APOO: variants seen among roughly 807,000 people sequenced by gnomAD.
APOO encodes the protein apolipoprotein O, also known as MICOS complex subunit MIC26.
In APOO, 11 loss-of-function variants were observed where a neutral mutation model predicts 23.1. The ratio of observed to expected loss-of-function variants is 0.48; its 90% CI spans 0.30 to 0.79. The LOEUF is 0.79. APOO is among the 30% of genes least tolerant of loss of function. APOO has a pLI of 0.07. For synonymous variants in APOO, 59 were observed against 54.8 expected, an observed-to-expected ratio of 1.08 and a Z score of -0.34; for missense variants, 160 against 142.7, an observed-to-expected ratio of 1.12 and a Z score of -0.62.
intron 1 of APOO, among the ~76,000 whole-genome samples, chrX:23,902,706 A>G (rs1020978829): frequency 6.3e-5 from 7 of 111,883 alleles, no homozygotes; most frequent in African/African-American, 2.0e-4. Flanking sequence ...TTTAAGTACA[A>G]TGTGTACTTA....
At chrX:23,884,124 A>T (rs1926265241) in intron 1 of APOO, 1 of 111,164 alleles carries the variant, frequency 9.0e-6, no homozygotes, top group Admixed American at 9.6e-5. Flanking sequence ...TCATAATGGG[A>T]CTCGTGTGGC....
chrX:23,903,357 G>A (rs896320611), intron 1 of APOO, among the ~76,000 whole-genome samples: 3 of 107,089 alleles, frequency 2.8e-5, no homozygotes, highest in Non-Finnish European at 5.8e-5. Flanking sequence ...GTGATAGAGC[G>A]AGACTCCATC....
At chrX:23,897,994 CAAA>C (rs1159982523) in intron 1 of APOO, among the ~76,000 whole-genome samples, 1 of 38,291 alleles carries the variant, frequency 2.6e-5, no homozygotes. Flanking sequence ...GATTCTGTCT[CAAA>C]AAAAAAAAAA....
chrX:23,874,344 G>A lies in APOO; in HGVS notation c.292+59C>T, dbSNP rs12009399. The A allele has an allele frequency of 1.1e-3, 1,072 of 993,132 alleles. 5 individuals carry two copies. The African/African-American group carries it at 0.017, about 16-fold the overall frequency. The allele number at this position is 993,132 out of a possible 1,213,427, so 81.8% of individuals were successfully genotyped here. A position where few individuals can be genotyped will look rare whatever the true frequency, so the allele number is the denominator to read the frequency against. On this transcript the variant is annotated intron_variant, in intron 4 of 8. Coordinates refer to ENST00000379226, the MANE Select transcript of APOO (RefSeq NM_024122.5). ...TCTTGGAGCTCATTCATGGAACTCC[G>A]ATTAAAGAGTTCAATGTTAATGAAG...
intron 4 of APOO, among the ~76,000 whole-genome samples, chrX:23,869,995 A>G (rs1043413274): frequency 5.4e-5 from 6 of 111,107 alleles, no homozygotes; most frequent in South Asian, 3.8e-4. Context: ...AGACTCAGAA[A>G]AATAAGCATC....
intron 3 of APOO, 131 bp downstream of exon 3, chrX:23,878,784 C>A (rs1428329816): frequency 2.3e-6 from 2 of 869,050 alleles, no homozygotes; most frequent in Non-Finnish European, 3.1e-6. Flanking sequence ...CCCCCACTAC[C>A]CTTCCCAGCC....
chrX:23,843,718 G>A (rs985597083), intron 7 of APOO, among the ~76,000 whole-genome samples: 3 of 107,019 alleles, frequency 2.8e-5, no homozygotes, highest in Non-Finnish European at 5.8e-5. Context: ...TGAGTAGCTG[G>A]GATTACAGGC....
In APOO at chrX:23,838,740, A is replaced by G. The variant is rs1415438400; in HGVS notation, c.*29+1573T>C. Among the ~76,000 whole-genome samples the G allele has an allele frequency of 2.7e-5, 3 of 111,663 alleles. No individual in the cohort carries two copies. In the East Asian group the frequency reaches 8.5e-4, roughly 32 times the overall value. Reference sequence around the variant, plus strand: ...GCCAAGACAAGCTTTTAAAACAGTTAGCTAAAAACATTTTTTACAACCAAC... The same window carrying G: ...GCCAAGACAAGCTTTTAAAACAGTTGGCTAAAAACATTTTTTACAACCAAC... On this transcript the variant is annotated intron_variant, in intron 8 of 8. Coordinates refer to ENST00000379226, the MANE Select transcript of APOO (RefSeq NM_024122.5).
intron 1 of APOO, among the ~76,000 whole-genome samples, chrX:23,887,289 A>G (rs927337532): frequency 7.5e-5 from 6 of 79,896 alleles, no homozygotes; most frequent in African/African-American, 3.1e-4. Context: ...GCTGGAGTGC[A>G]GTGGCATGAT....
At chrX:23,846,628 CA>C (rs59513332) in intron 7 of APOO, among the ~76,000 whole-genome samples, 3,927 of 40,278 alleles carry the variant, frequency 0.097, 218 homozygotes, top group African/African-American at 0.27. Flanking sequence ...GACTCCATCT[CA>C]AAAAAAAAAA....
At chrX:23,878,783 C>T (rs377342592) in intron 3 of APOO, 132 bp downstream of exon 3, 1 of 837,612 alleles carries the variant, frequency 1.2e-6, no homozygotes. Context: ...ACCCCCACTA[C>T]CCTTCCCAGC....
At chrX:23,876,275 A>G (rs1414452351) in intron 3 of APOO, among the ~76,000 whole-genome samples, 1 of 102,621 alleles carries the variant, frequency 9.7e-6, no homozygotes, top group Non-Finnish European at 2.0e-5. Context: ...AAAAATAAAA[A>G]AAATAAAAAT....
chrX:23,863,373 A>C (rs927598007), intron 5 of APOO, among the ~76,000 whole-genome samples: 1 of 111,865 alleles, frequency 8.9e-6, no homozygotes, highest in African/African-American at 3.2e-5. Flanking sequence ...TCACAGCACC[A>C]AAGAAATTCA....
chrX:23,907,874 C>T lies in APOO; in HGVS notation c.-172G>A. 1 of 523,127 alleles carries T rather than the reference C, an allele frequency of 1.9e-6. No homozygotes were observed. The highest frequency in any genetic ancestry group is 2.8e-6 in the Non-Finnish European group (1 of 351,212). 43.1% of individuals were successfully genotyped at this position (523,127 alleles called of 1,213,427 possible). The stretch of plus-strand genomic sequence containing the variant: ...TGCGGCGAAGGTTTAGTTCAATCAC[C>T]CGGTTCTAGAAGCCGCGTCGCTGAG... On this transcript the variant is annotated 5_prime_UTR_variant, in exon 1 of 9. Transcript: ENST00000379226.
At chrX:23,868,256 A>G (rs1309875111) in intron 5 of APOO, among the ~76,000 whole-genome samples, 1 of 112,299 alleles carries the variant, frequency 8.9e-6, no homozygotes, top group African/African-American at 3.2e-5. Flanking sequence ...ATCTACTGTG[A>G]TTAATATAGC....
At chrX:23,852,380 C>CTT (rs1261625621) in intron 7 of APOO, among the ~76,000 whole-genome samples, 4 of 110,684 alleles carry the variant, frequency 3.6e-5, no homozygotes, top group African/African-American at 1.3e-4. Context: ...GGGCAGATCA[C>CTT]GAGGTCAGGA....
chrX:23,858,612 G>C, intron 6 of APOO, 30 bp downstream of exon 6: 1 of 1,147,140 alleles, frequency 8.7e-7, no homozygotes, highest in East Asian at 3.0e-5. Flanking sequence ...CAAGAATGAG[G>C]GACATCATGG....
intron 4 of APOO, among the ~76,000 whole-genome samples, chrX:23,873,260 T>C (rs1185209948): frequency 9.0e-6 from 1 of 110,780 alleles, no homozygotes; most frequent in Non-Finnish European, 1.9e-5. Flanking sequence ...TAAATAAGTG[T>C]TTATGAAATT....
intron 7 of APOO, among the ~76,000 whole-genome samples, chrX:23,844,665 G>A (rs1924154774): frequency 1.8e-5 from 2 of 111,681 alleles, no homozygotes; most frequent in African/African-American, 6.5e-5. Context: ...CCCCCCTAGG[G>A]CCTCTAGAAA....
Sources: gnomAD v4.1 joint callset for allele counts (sites outside exome capture counted in the v4.1 genomes callset) on GRCh38, gnomAD v4.1.1 for gene constraint, MANE v1.5 for transcripts, NCBI Gene and HGNC (gene_info 2026-07-23, HGNC 2026-07-21) for gene names.